Variants in LRRC1 observed in about 807,000 individuals in gnomAD.
LRRC1 encodes leucine-rich repeat-containing protein 1.
In LRRC1, 28 loss-of-function variants were observed where a neutral mutation model predicts 69.9. The ratio of observed to expected loss-of-function variants is 0.40; its 90% CI spans 0.30 to 0.55. LRRC1 has a LOEUF of 0.55. Ranked by LOEUF, LRRC1 falls within the 20% of genes least tolerant of loss-of-function variation. The probability of loss-of-function intolerance (pLI) is 0.47; values close to 1 mark genes in which losing one functional copy is unlikely to be tolerated. For missense variants in LRRC1, 498 were observed against 609.0 expected (o/e 0.82, Z 1.92); for synonymous variants, 236 against 240.2 (o/e 0.98, Z 0.16).
At chr6:53,822,709 T>C (rs909113739) in intron 1 of LRRC1, among the ~76,000 whole-genome samples, 2 of 152,222 alleles carry the variant, frequency 1.3e-5, no homozygotes, top group African/African-American at 2.4e-5. Flanking sequence ...TCACTGACTG[T>C]AACTAAATTC....
chr6:53,899,372 G>A (rs1767972423), intron 7 of LRRC1, among the ~76,000 whole-genome samples: 1 of 152,234 alleles, frequency 6.6e-6, no homozygotes, highest in Non-Finnish European at 1.5e-5. Context: ...TCACCCTGCA[G>A]TGTAAGCTGC....
At chr6:53,870,875 G>C (rs1766861138) in intron 2 of LRRC1, among the ~76,000 whole-genome samples, 1 of 152,130 alleles carries the variant, frequency 6.6e-6, no homozygotes, top group African/African-American at 2.4e-5. Context: ...ACACATATGA[G>C]TGAGATTATG....
chr6:53,870,424 C>T (rs957095519), intron 2 of LRRC1, among the ~76,000 whole-genome samples: 1 of 152,188 alleles, frequency 6.6e-6, no homozygotes, highest in Admixed American at 6.5e-5. Context: ...GCTTCATCCT[C>T]TTCCTCAGTA....
chr6:53,809,216 G>A (rs1238566079), intron 1 of LRRC1, among the ~76,000 whole-genome samples: 8 of 152,230 alleles, frequency 5.3e-5, no homozygotes, highest in Non-Finnish European at 7.3e-5. Context: ...AGTCTTGACT[G>A]TAAAGGTCAG....
intron 1 of LRRC1, among the ~76,000 whole-genome samples, chr6:53,826,382 T>G (rs1765258344): frequency 6.6e-6 from 1 of 152,082 alleles, no homozygotes. Flanking sequence ...ATAAAGGATG[T>G]CCCACTGCAT....
At chr6:53,853,282 A>T (rs944955795) in intron 2 of LRRC1, among the ~76,000 whole-genome samples, 111 of 130,250 alleles carry the variant, frequency 8.5e-4, no homozygotes, top group African/African-American at 2.8e-3. Context: ...GGTGGTTCAT[A>T]TTTTTTTTTT....
chr6:53,892,142 T>C (rs1317228330), intron 4 of LRRC1, among the ~76,000 whole-genome samples: 1 of 151,592 alleles, frequency 6.6e-6, no homozygotes, highest in Non-Finnish European at 1.5e-5. Context: ...CACAACATAG[T>C]GGTTAAGAAT....
In LRRC1 at chr6:53,842,213, ATG is replaced by A; in HGVS notation, c.267_268del (p.Arg91LysfsTer2). 1 of 1,612,444 alleles carries A rather than the reference ATG, an allele frequency of 6.2e-7. No individual in the cohort carries two copies. Among genetic ancestry groups the A allele is most frequent in the Non-Finnish European group, 8.5e-7 (1 of 1,178,622 alleles). ...AACTTCATGCAGCTGGTGGAACTAG[ATG>A]TGTCTCGAAATGGTAAGAAAGATTC... On this transcript the variant is annotated frameshift_variant, in exon 2 of 14. Transcript: ENST00000370888. LOFTEE classifies it high-confidence loss of function.
At chr6:53,900,571 G>T (rs1012928583) in intron 8 of LRRC1, among the ~76,000 whole-genome samples, 5 of 152,238 alleles carry the variant, frequency 3.3e-5, no homozygotes, top group African/African-American at 1.2e-4. Context: ...TTCTAATTTG[G>T]CATCCTAATA....
intron 1 of LRRC1, among the ~76,000 whole-genome samples, chr6:53,804,434 TTTC>T (rs1476154731): frequency 1.1e-4 from 16 of 152,296 alleles, no homozygotes; most frequent in Non-Finnish European, 1.2e-4. Flanking sequence ...TAATGGATTG[TTTC>T]TTCTTCTTAT....
At chr6:53,802,814 A>G (rs148992565) in intron 1 of LRRC1, among the ~76,000 whole-genome samples, 112 of 152,282 alleles carry the variant, frequency 7.4e-4, no homozygotes, top group Middle Eastern at 3.4e-3. Flanking sequence ...TTCAAAGACA[A>G]ATACTTGGAG....
intron 4 of LRRC1, among the ~76,000 whole-genome samples, chr6:53,894,195 T>C (rs1219425744): frequency 6.6e-6 from 1 of 152,208 alleles, no homozygotes; most frequent in East Asian, 1.9e-4. Context: ...TTTGCCTGTT[T>C]CTATCAAGTG....
chr6:53,875,028 AAAAG>A (rs753547523), intron 2 of LRRC1, among the ~76,000 whole-genome samples: 2 of 152,232 alleles, frequency 1.3e-5, no homozygotes, highest in South Asian at 2.1e-4. Context: ...TTTAAAATGT[AAAAG>A]AAAGAAAAGA....
chr6:53,907,159 A>T (rs534931627), intron 10 of LRRC1, among the ~76,000 whole-genome samples: 1 of 152,212 alleles, frequency 6.6e-6, no homozygotes, highest in Admixed American at 6.5e-5. Flanking sequence ...GCTTGATGCC[A>T]TTTGATCAAA....
At chr6:53,888,044 T>C (rs1767548050) in intron 4 of LRRC1, among the ~76,000 whole-genome samples, 1 of 152,234 alleles carries the variant, frequency 6.6e-6, no homozygotes, top group Non-Finnish European at 1.5e-5. Context: ...GGAAGGATAA[T>C]TTTTGCTTTA....
chr6:53,893,891 C>T (rs1767783879), intron 4 of LRRC1, among the ~76,000 whole-genome samples: 2 of 152,150 alleles, frequency 1.3e-5, no homozygotes, highest in African/African-American at 4.8e-5. Flanking sequence ...GGCATTTCAG[C>T]AGTATTTTTG....
chr6:53,906,053 A>ATTTC (rs1329410460), intron 10 of LRRC1, among the ~76,000 whole-genome samples: 2 of 152,138 alleles, frequency 1.3e-5, no homozygotes, highest in Non-Finnish European at 2.9e-5. Context: ...TGTAGAAAAT[A>ATTTC]TTTCTTTCTT....
intron 1 of LRRC1, among the ~76,000 whole-genome samples, chr6:53,832,072 T>G (rs555048784): frequency 6.6e-6 from 1 of 152,320 alleles, no homozygotes; most frequent in Non-Finnish European, 1.5e-5. Context: ...GCAGTTCCTC[T>G]GAACAACCCA....
intron 11 of LRRC1, among the ~76,000 whole-genome samples, chr6:53,918,133 A>G (rs1446913422): frequency 5.3e-5 from 8 of 152,200 alleles, no homozygotes; most frequent in Non-Finnish European, 1.2e-4. Flanking sequence ...TGTATTTCTC[A>G]CCTAATATTG....
Sources: gnomAD v4.1 joint callset for allele counts (sites outside exome capture counted in the v4.1 genomes callset) on GRCh38, gnomAD v4.1.1 for gene constraint, MANE v1.5 for transcripts, NCBI Gene and HGNC (gene_info 2026-07-23, HGNC 2026-07-21) for gene names.